SGCZ: variants seen among roughly 807,000 people sequenced by gnomAD.
SGCZ encodes the protein zeta-sarcoglycan.
A neutral mutation model predicts 41.3 loss-of-function variants in SGCZ; 40 were observed. The observed-to-expected ratio is 0.97, with a 90% CI of 0.75 to 1.26. The LOEUF (loss-of-function observed/expected upper bound fraction) is 1.26, where lower values mean the gene tolerates loss of function less well. Among genes scored for constraint, SGCZ ranks in the 50% most tolerant of loss-of-function variants. The probability of loss-of-function intolerance (pLI) is 0.00; values close to 1 mark genes in which losing one functional copy is unlikely to be tolerated. For missense variants in SGCZ, 552 were observed against 369.8 expected (o/e 1.49, Z -4.04); for synonymous variants, 206 against 137.5 (o/e 1.50, Z -3.49).
At chr8:14,898,243 T>G (rs1299509612) in intron 1 of SGCZ, among the ~76,000 whole-genome samples, 3 of 152,084 alleles carry the variant, frequency 2.0e-5, no homozygotes, top group African/African-American at 7.2e-5. Context: ...AGCCACCATA[T>G]GCGGCCAGAA....
chr8:14,891,303 A>C (rs1805008725), intron 1 of SGCZ, among the ~76,000 whole-genome samples: 1 of 152,202 alleles, frequency 6.6e-6, no homozygotes, highest in African/African-American at 2.4e-5. Flanking sequence ...TGATTCATGA[A>C]AGGAGGTCAA....
intron 1 of SGCZ, among the ~76,000 whole-genome samples, chr8:15,094,926 T>A (rs1184086983): frequency 2.6e-5 from 4 of 152,126 alleles, no homozygotes; most frequent in Non-Finnish European, 5.9e-5. Context: ...TAACCTCTTT[T>A]CTTTATAAAT....
At chr8:14,220,134 T>C (rs749163887) in intron 4 of SGCZ, among the ~76,000 whole-genome samples, 3 of 152,140 alleles carry the variant, frequency 2.0e-5, no homozygotes, top group African/African-American at 4.8e-5. Context: ...AAAAGATGCA[T>C]ATAAACGTAC....
intron 2 of SGCZ, among the ~76,000 whole-genome samples, chr8:14,553,110 C>T (rs1395086749): frequency 6.6e-6 from 1 of 152,048 alleles, no homozygotes; most frequent in Non-Finnish European, 1.5e-5. Context: ...GGAGCATAAA[C>T]ATTGCTCCTA....
intron 1 of SGCZ, among the ~76,000 whole-genome samples, chr8:14,628,520 C>A (rs769955199): frequency 6.6e-6 from 1 of 152,022 alleles, no homozygotes; most frequent in African/African-American, 2.4e-5. Flanking sequence ...TACACCCAGG[C>A]CTACCCTCAA....
chr8:14,479,799 G>A (rs952203586), intron 2 of SGCZ, among the ~76,000 whole-genome samples: 5 of 139,816 alleles, frequency 3.6e-5, no homozygotes, highest in Admixed American at 2.3e-4. Flanking sequence ...TGCTTGGAGT[G>A]CAATCGCATG....
At chr8:14,131,163 G>A (rs1803028676) in intron 5 of SGCZ, among the ~76,000 whole-genome samples, 1 of 152,112 alleles carries the variant, frequency 6.6e-6, no homozygotes, top group South Asian at 2.1e-4. Context: ...TTGGAATGAA[G>A]CAACGAATCT....
At chr8:14,779,685 T>C (rs1379047952) in intron 1 of SGCZ, among the ~76,000 whole-genome samples, 1 of 152,214 alleles carries the variant, frequency 6.6e-6, no homozygotes, top group African/African-American at 2.4e-5. Context: ...CATAGAACTT[T>C]AGAAAGCAAT....
At chr8:14,292,859 T>C (rs1038931145) in intron 3 of SGCZ, among the ~76,000 whole-genome samples, 3 of 151,988 alleles carry the variant, frequency 2.0e-5, no homozygotes, top group Admixed American at 2.0e-4. Flanking sequence ...CCTCTGTCTC[T>C]ATATATATAA....
intron 2 of SGCZ, among the ~76,000 whole-genome samples, chr8:14,379,898 C>G (rs1804295548): frequency 6.6e-6 from 1 of 151,868 alleles, no homozygotes; most frequent in African/African-American, 2.4e-5. Flanking sequence ...CGCCCGCCTA[C>G]TTTTTGTATT....
chr8:14,619,436 C>A (rs2117364583), intron 1 of SGCZ, among the ~76,000 whole-genome samples: 1 of 148,398 alleles, frequency 6.7e-6, no homozygotes, highest in East Asian at 2.1e-4. Flanking sequence ...GAAGTTCTGG[C>A]CAGGGCAATC....
At chr8:14,120,048 G>C (rs1407233410) in intron 5 of SGCZ, among the ~76,000 whole-genome samples, 1 of 151,952 alleles carries the variant, frequency 6.6e-6, no homozygotes, top group South Asian at 2.1e-4. Flanking sequence ...TCTCTGCCAG[G>C]TTTGGTATCA....
At chr8:15,221,950 T>C (rs79577405) in intron 1 of SGCZ, among the ~76,000 whole-genome samples, 6,998 of 152,286 alleles carry the variant, frequency 0.046, 217 homozygotes, top group Middle Eastern at 0.078. Context: ...GAGTCTTCAA[T>C]TGTAGCTTTT....
At chr8:14,140,622 A>G (rs1379991469) in intron 5 of SGCZ, among the ~76,000 whole-genome samples, 1 of 152,192 alleles carries the variant, frequency 6.6e-6, no homozygotes, top group African/African-American at 2.4e-5. Context: ...AGGGATGTGA[A>G]AGACCTCTTC....
chr8:14,227,351 G>T (rs533798832), intron 4 of SGCZ, among the ~76,000 whole-genome samples: 2 of 152,166 alleles, frequency 1.3e-5, no homozygotes, highest in South Asian at 4.2e-4. Flanking sequence ...GAAGGGTAAA[G>T]GAAGGAAAGA....
intron 1 of SGCZ, among the ~76,000 whole-genome samples, chr8:15,001,992 G>T (rs1253098789): frequency 6.6e-6 from 1 of 152,088 alleles, no homozygotes; most frequent in African/African-American, 2.4e-5. Context: ...AATTCTGCGT[G>T]CTTGAGGAGG....
chr8:14,837,081 C>G (rs1286609050), intron 1 of SGCZ, among the ~76,000 whole-genome samples: 2 of 152,186 alleles, frequency 1.3e-5, no homozygotes, highest in Non-Finnish European at 2.9e-5. Flanking sequence ...GTAGCTCTTA[C>G]AATTTGCCAG....
At chr8:14,530,047 C>T (rs548218374) in intron 2 of SGCZ, among the ~76,000 whole-genome samples, 2 of 152,122 alleles carry the variant, frequency 1.3e-5, no homozygotes, top group Non-Finnish European at 2.9e-5. Flanking sequence ...TTTAAACATC[C>T]TTAATCTGCC....
chr8:15,002,143 G>T (rs760926059), intron 1 of SGCZ, among the ~76,000 whole-genome samples: 1 of 151,158 alleles, frequency 6.6e-6, no homozygotes, highest in Non-Finnish European at 1.5e-5. Context: ...CAGAACAGCA[G>T]CATAACCATA....
Sources: gnomAD v4.1 joint callset for allele counts (sites outside exome capture counted in the v4.1 genomes callset) on GRCh38, gnomAD v4.1.1 for gene constraint, MANE v1.5 for transcripts, NCBI Gene and HGNC (gene_info 2026-07-23, HGNC 2026-07-21) for gene names.